Variants in TMPRSS15 observed in about 807,000 individuals in gnomAD.
The protein encoded by TMPRSS15 is enteropeptidase.
A neutral mutation model predicts 125.3 loss-of-function variants in TMPRSS15; 128 were observed. That is an observed-to-expected ratio of 1.02 (90% CI 0.89 to 1.18). The LOEUF is 1.18. TMPRSS15 is among the 50% of genes most tolerant of loss of function. TMPRSS15 has a pLI of 0.00. For synonymous variants in TMPRSS15, 446 were observed against 423.2 expected (o/e 1.05, Z -0.66); for missense variants, 1,283 against 1,212.7 (o/e 1.06, Z -0.86).
In TMPRSS15 at chr21:18,294,125, G is replaced by T; in HGVS notation, c.2486+145C>A. 3.1e-6 allele frequency: 3 copies of T among 959,110 alleles called. No homozygotes were observed. In the South Asian group the frequency reaches 4.2e-5, roughly 14 times the overall value. The allele number at this position is 959,110 out of a possible 1,614,324, so 59.4% of individuals were successfully genotyped here. On this transcript the variant is annotated intron_variant, in intron 21 of 24. Transcript: ENST00000284885. ...CTCTATTTTCATACATGACATTAAT[G>T]GGAAAATAATTGGAATGTTTATAAT...
chr21:18,443,685 T>C (rs8126921), intron 1 of TMPRSS15, among the ~76,000 whole-genome samples: 7,139 of 152,280 alleles, frequency 0.047, 439 homozygotes, highest in African/African-American at 0.15. Context: ...CAAGGCTCAG[T>C]GCCAGCTACT....
chr21:18,410,268 G>T (rs1450421275), intron 1 of TMPRSS15, among the ~76,000 whole-genome samples: 1 of 151,814 alleles, frequency 6.6e-6, no homozygotes, highest in African/African-American at 2.4e-5. Flanking sequence ...AGGTTCCTTT[G>T]TACTAATGTG....
At chr21:18,428,974 T>C (rs1419049808) in intron 1 of TMPRSS15, among the ~76,000 whole-genome samples, 1 of 152,144 alleles carries the variant, frequency 6.6e-6, no homozygotes, top group Non-Finnish European at 1.5e-5. Flanking sequence ...TGAAAGCAGC[T>C]GGGAGGGAGG....
At chr21:18,278,924 G>GTTTTTTTTTTTTTTT in intron 23 of TMPRSS15, 40 bp downstream of exon 23, 6 of 438,020 alleles carry the variant, frequency 1.4e-5, no homozygotes, top group African/African-American at 6.7e-5. Flanking sequence ...CACCAGTAAG[G>GTTTTTTTTTTTTTTT]TTTTTTTTTT....
In TMPRSS15 at chr21:18,392,507, A is replaced by G. The variant is rs112049566; in HGVS notation, c.344+5372T>C. On this transcript the variant is annotated intron_variant, in intron 3 of 24. Coordinates refer to ENST00000284885, the MANE Select transcript of TMPRSS15 (RefSeq NM_002772.3). Reference sequence around the variant, plus strand: ...CTTCATCGTCCATATCACTCTTAGCATTTTGGTCAAATCCATTCAACAAGT... The same window carrying G: ...CTTCATCGTCCATATCACTCTTAGCGTTTTGGTCAAATCCATTCAACAAGT... Among the ~76,000 whole-genome samples, 1,177 of 152,188 alleles carry G rather than the reference A, an allele frequency of 7.7e-3. 17 individuals are homozygous for G. Among genetic ancestry groups the G allele is most frequent in the African/African-American group, 0.027 (1,121 of 41,512 alleles).
At chr21:18,378,363 T>C (rs930336021) in intron 5 of TMPRSS15, among the ~76,000 whole-genome samples, 10 of 152,092 alleles carry the variant, frequency 6.6e-5, no homozygotes, top group Admixed American at 3.9e-4. Flanking sequence ...GGATATAACC[T>C]AAATACAACT....
chr21:18,290,501 G>A (rs952731185), intron 21 of TMPRSS15, among the ~76,000 whole-genome samples: 6 of 144,066 alleles, frequency 4.2e-5, no homozygotes, highest in African/African-American at 1.5e-4. Flanking sequence ...AAGCTTGAGG[G>A]TTTTTTTTTT....
At chr21:18,282,986 G>A (rs2074719485) in intron 21 of TMPRSS15, among the ~76,000 whole-genome samples, 2 of 152,158 alleles carry the variant, frequency 1.3e-5, no homozygotes, top group African/African-American at 4.8e-5. Context: ...TCTGCTCCTA[G>A]TGGTTGGTGG....
At chr21:18,412,917 A>C (rs1446856327) in intron 1 of TMPRSS15, among the ~76,000 whole-genome samples, 1 of 152,196 alleles carries the variant, frequency 6.6e-6, no homozygotes, top group Non-Finnish European at 1.5e-5. Flanking sequence ...TAAATTCCTT[A>C]CATTAGATCC....
In TMPRSS15 at chr21:18,297,788, C is replaced by T; in HGVS notation, c.2207G>A (p.Gly736Glu). Residue 736 changes from glycine (G) to glutamate (E), a missense_variant, in exon 19 of 25, where the codon GGA (glycine) becomes GAA (glutamate). By Grantham distance (98) the Gly-to-Glu change is moderately conservative (BLOSUM62 -2). Coordinates refer to ENST00000284885, the MANE Select transcript of TMPRSS15 (RefSeq NM_002772.3). ...SSKPIFPTDG[G>E]PFVKLNTAPD... is the part of the protein sequence containing the mutation. ...TGCTGTGTTTAATTTGACAAATGGT[C>T]CACCATCGGTAGGGAAGATTGGCTT... The T allele has an allele frequency of 6.2e-7, 1 of 1,613,736 alleles. No homozygotes were observed. Among genetic ancestry groups the T allele is most frequent in the South Asian group, 1.1e-5 (1 of 91,064 alleles).
At chr21:18,451,747 C>T (rs1430371127) in intron 1 of TMPRSS15, among the ~76,000 whole-genome samples, 1 of 152,068 alleles carries the variant, frequency 6.6e-6, no homozygotes, top group African/African-American at 2.4e-5. Context: ...TCTATACTTT[C>T]CTGGTGGAAA....
intron 1 of TMPRSS15, among the ~76,000 whole-genome samples, chr21:18,410,158 T>C (rs545743854): frequency 6.6e-6 from 1 of 151,462 alleles, no homozygotes; most frequent in Non-Finnish European, 1.5e-5. Context: ...AGAAAGGTTT[T>C]GAGGCAGGAG....
At chr21:18,449,858 AACACACACACACACACACGCAC>A (rs1014139380) in intron 1 of TMPRSS15, among the ~76,000 whole-genome samples, 1 of 81,418 alleles carries the variant, frequency 1.2e-5, no homozygotes, top group Non-Finnish European at 2.5e-5. Context: ...CTTTCCCTCA[AACACACACACACACACACGCAC>A]ACACACACAC....
chr21:18,326,408 A>G (rs1433194806), intron 16 of TMPRSS15, 24 bp downstream of exon 16: 1 of 1,614,062 alleles, frequency 6.2e-7, no homozygotes, highest in South Asian at 1.1e-5. Context: ...GTTATGATGC[A>G]ATGTGTGATT....
intron 13 of TMPRSS15, among the ~76,000 whole-genome samples, chr21:18,339,108 G>T (rs2210227): frequency 0.81 from 122,550 of 152,032 alleles, 49,605 homozygotes; most frequent in Admixed American, 0.84. Flanking sequence ...TTTTCATGTA[G>T]TAATGGTTAT....
chr21:18,380,588 G>C (rs1424989424), intron 4 of TMPRSS15: 2 of 470,500 alleles, frequency 4.3e-6, no homozygotes, highest in Non-Finnish European at 8.8e-6. Context: ...AAAGATGCTG[G>C]AATAACGTAA....
chr21:18,451,094 C>G (rs866839271), intron 1 of TMPRSS15, among the ~76,000 whole-genome samples: 3 of 152,042 alleles, frequency 2.0e-5, no homozygotes. Context: ...TACACTGAAT[C>G]CTCCTTTTTT....
intron 1 of TMPRSS15, among the ~76,000 whole-genome samples, chr21:18,463,182 G>A (rs2122953680): frequency 3.0e-4 from 38 of 128,402 alleles, no homozygotes; most frequent in African/African-American, 1.1e-3. Context: ...CCCATTTCAC[G>A]TGCAAAAACA....
At position 18,397,880 on chromosome 21, in the gene TMPRSS15, C is replaced by A. The variant is rs1569056274; in HGVS notation, c.343G>T (p.Glu115Ter). 2.0e-6 allele frequency: 3 copies of A among 1,536,008 alleles called. No homozygotes were observed. Among genetic ancestry groups the A allele is most frequent in the Non-Finnish European group, 2.7e-6 (3 of 1,125,050 alleles). ...AGAAAATTTTTGAGCTATACTCACT[C>A]AAATTGTAAAACTCTTGAGTTCTTA... ...EYKNSRVLQF[E>*]NGSIIVVFDL... is the part of the protein sequence containing the mutation. The change falls in exon 3 of 25, where the codon GAA becomes TAA. Residue 115 changes from glutamate to a stop codon, truncating the protein, a stop_gained and splice_region_variant. Coordinates refer to ENST00000284885, the MANE Select transcript of TMPRSS15 (RefSeq NM_002772.3). LOFTEE classifies it high-confidence loss of function.
Sources: gnomAD v4.1 joint callset for allele counts (sites outside exome capture counted in the v4.1 genomes callset) on GRCh38, gnomAD v4.1.1 for gene constraint, MANE v1.5 for transcripts, NCBI Gene and HGNC (gene_info 2026-07-23, HGNC 2026-07-21) for gene names.